Variants in NCKAP5 observed in about 807,000 individuals in gnomAD.
The protein encoded by NCKAP5 is NCK associated protein 5.
NCKAP5 carries 92 observed loss-of-function variants against 167.0 expected under a neutral mutation model. That is an observed-to-expected ratio of 0.55 (90% CI 0.47 to 0.66). NCKAP5 has a LOEUF of 0.66. NCKAP5 is among the 30% of genes least tolerant of loss of function. The pLI, the probability that NCKAP5 is intolerant of heterozygous loss-of-function variation, is 0.00. For missense variants in NCKAP5, 2,378 were observed against 2,315.0 expected (o/e 1.03, Z -0.56); for synonymous variants, 891 against 877.4 (o/e 1.02, Z -0.27).
intron 7 of NCKAP5, among the ~76,000 whole-genome samples, chr2:132,967,296 A>G (rs919616750): frequency 2.0e-5 from 3 of 152,144 alleles, no homozygotes; most frequent in African/African-American, 7.2e-5. Context: ...ATTATGTATC[A>G]GTATTTAGAT....
rs766085876 is a variant in NCKAP5 at position 132,878,838 on chromosome 2, TC to T, written c.648+9del. On this transcript the variant is annotated intron_variant, in intron 9 of 19. Coordinates refer to ENST00000409261, the MANE Select transcript of NCKAP5 (RefSeq NM_207363.3). ...CAGCCTTGGATCAGGAGCCTCTCCA[TC>T]CCCCTTACCTCATCAAGACATCGCT... 8 of 1,606,366 alleles carry T rather than the reference TC, an allele frequency of 5.0e-6. No homozygotes were observed. The African/African-American group carries it at 6.7e-5, about 13-fold the overall frequency.
intron 6 of NCKAP5, among the ~76,000 whole-genome samples, chr2:132,998,280 T>C (rs757679370): frequency 6.6e-6 from 1 of 152,192 alleles, no homozygotes; most frequent in Non-Finnish European, 1.5e-5. Context: ...AAGAAAAATA[T>C]CTATTCACCT....
At chr2:132,981,819 C>A (rs911049678) in intron 7 of NCKAP5, among the ~76,000 whole-genome samples, 2 of 152,166 alleles carry the variant, frequency 1.3e-5, no homozygotes, top group Non-Finnish European at 1.5e-5. Context: ...ATCTTAATTT[C>A]TTTTGCTTTG....
intron 6 of NCKAP5, among the ~76,000 whole-genome samples, chr2:133,053,168 T>A (rs1457767371): frequency 6.6e-6 from 1 of 152,218 alleles, no homozygotes; most frequent in African/African-American, 2.4e-5. Context: ...TCTTCACAGC[T>A]TTTTGTCTGC....
intron 19 of NCKAP5, among the ~76,000 whole-genome samples, chr2:132,690,000 T>C (rs1686515315): frequency 6.6e-6 from 1 of 152,228 alleles, no homozygotes; most frequent in East Asian, 1.9e-4. Flanking sequence ...CTCTTCTCTT[T>C]GTCTCATACT....
chr2:132,888,090 T>C (rs761106495), intron 8 of NCKAP5, among the ~76,000 whole-genome samples: 11 of 152,228 alleles, frequency 7.2e-5, no homozygotes, highest in Admixed American at 2.0e-4. Flanking sequence ...ACAGGGATCA[T>C]GCTTTATACG....
intron 3 of NCKAP5, among the ~76,000 whole-genome samples, chr2:133,385,863 A>C (rs1336115065): frequency 6.6e-6 from 1 of 152,274 alleles, no homozygotes; most frequent in East Asian, 1.9e-4. Context: ...CTCTGATGGT[A>C]GTTTGTATTT....
At chr2:133,464,297 C>A (rs964686042) in intron 3 of NCKAP5, among the ~76,000 whole-genome samples, 15 of 152,202 alleles carry the variant, frequency 9.9e-5, no homozygotes, top group Non-Finnish European at 2.1e-4. Context: ...TATGGCTTCT[C>A]TTTGACATAT....
At chr2:133,046,010 G>C (rs1394848603) in intron 6 of NCKAP5, among the ~76,000 whole-genome samples, 2 of 152,188 alleles carry the variant, frequency 1.3e-5, no homozygotes, top group East Asian at 3.8e-4. Context: ...AGATATGCTG[G>C]ACAAAGGGAT....
intron 7 of NCKAP5, among the ~76,000 whole-genome samples, chr2:132,988,972 T>C (rs2077375744): frequency 6.6e-6 from 1 of 152,208 alleles, no homozygotes; most frequent in Non-Finnish European, 1.5e-5. Context: ...GCTGTATCCA[T>C]AGTTGGGTCC....
At chr2:133,299,151 T>C (rs1478802302) in intron 4 of NCKAP5, among the ~76,000 whole-genome samples, 1 of 152,172 alleles carries the variant, frequency 6.6e-6, no homozygotes, top group African/African-American at 2.4e-5. Context: ...TGTATAGAAA[T>C]AGAATATTCT....
intron 6 of NCKAP5, among the ~76,000 whole-genome samples, chr2:133,083,056 A>T (rs1043984217): frequency 6.6e-6 from 1 of 152,260 alleles, no homozygotes; most frequent in African/African-American, 2.4e-5. Context: ...GTCCAGCTGC[A>T]GGATACCCTG....
chr2:133,118,483 G>A (rs2082151312), intron 6 of NCKAP5: 1 of 152,122 alleles, frequency 6.6e-6, no homozygotes, highest in Non-Finnish European at 1.5e-5. Flanking sequence ...TCAAACAGCA[G>A]CATGGTCCAT....
intron 16 of NCKAP5, among the ~76,000 whole-genome samples, chr2:132,733,759 C>G (rs1691245446): frequency 6.6e-6 from 1 of 152,156 alleles, no homozygotes; most frequent in African/African-American, 2.4e-5. Flanking sequence ...CTCAAAACCT[C>G]TTTGCTGAGT....
rs538986872 is a variant in NCKAP5, at chr2:133,345,812, G to GGAAGT, written c.70-42707_70-42703dup. Among the ~76,000 whole-genome samples, 1,069 of 152,238 alleles carry GGAAGT rather than the reference G, an allele frequency of 7.0e-3. 15 individuals carry two copies. Among genetic ancestry groups the GGAAGT allele is most frequent in the African/African-American group, 0.023 (935 of 41,544 alleles). Reference sequence around the variant, plus strand: ...AACGCAAAAGATCACTGGGGATAAAGGAAGTGCAGTTACTGAAGGCCAGGG... The same window carrying GGAAGT: ...AACGCAAAAGATCACTGGGGATAAAGGAAGTGAAGTGCAGTTACTGAAGGCCAGGG... On this transcript the variant is annotated intron_variant, in intron 3 of 19. Transcript: ENST00000409261.
chr2:132,842,881 C>T (rs541708660), intron 11 of NCKAP5, among the ~76,000 whole-genome samples: 19 of 152,236 alleles, frequency 1.2e-4, no homozygotes, highest in African/African-American at 4.6e-4. Flanking sequence ...TCTATTTTTG[C>T]TGTGTCCCAC....
At chr2:133,049,631 T>TGG (rs1363617666) in intron 6 of NCKAP5, among the ~76,000 whole-genome samples, 1 of 151,248 alleles carries the variant, frequency 6.6e-6, no homozygotes, top group Non-Finnish European at 1.5e-5. Context: ...GGGGTATAAG[T>TGG]GGTAGAAAAT....
At chr2:133,585,735 G>A in the NCKAP5 span, among the ~76,000 whole-genome samples, 1 of 152,224 alleles carries the variant, frequency 6.6e-6, no homozygotes, top group East Asian at 1.9e-4. Flanking sequence ...CATTATTCAT[G>A]CTCTTTTACA....
At chr2:133,265,978 C>A (rs1028273103) in intron 4 of NCKAP5, among the ~76,000 whole-genome samples, 1 of 152,182 alleles carries the variant, frequency 6.6e-6, no homozygotes, top group African/African-American at 2.4e-5. Context: ...CAAGATCTGC[C>A]CCTCCCCTGC....
Sources: allele counts gnomAD v4.1 joint callset (sites outside exome capture counted in the v4.1 genomes callset), GRCh38; gene constraint gnomAD v4.1.1; transcripts MANE v1.5; gene names NCBI Gene and HGNC (gene_info 2026-07-23, HGNC 2026-07-21).